The following N4BP1 variants were observed in gnomAD, a reference collection of about 807,000 sequenced individuals.
The protein encoded by N4BP1 is NEDD4 binding protein 1, also known as NEDD4-binding protein 1.
In N4BP1, 21 loss-of-function variants were observed where a neutral mutation model predicts 70.9. That is an observed-to-expected ratio of 0.30 (90% CI 0.21 to 0.43). The LOEUF is 0.43. Ranked by LOEUF, N4BP1 falls within the 20% of genes least tolerant of loss-of-function variation. N4BP1 has a pLI of 1.00. For synonymous variants in N4BP1, 387 were observed against 394.6 expected (o/e 0.98, Z 0.23); for missense variants, 936 against 1,069.4 (o/e 0.88, Z 1.74).
rs1244825941 is a variant in N4BP1 at position 48,539,599 on chromosome 16, G to A, written c.*3305C>T. 1 of 152,274 alleles carries A rather than the reference G, an allele frequency of 6.6e-6. No individual in the cohort carries two copies. Among genetic ancestry groups the A allele is most frequent in the East Asian group, 1.9e-4 (1 of 5,184 alleles). The allele number at this position is 152,274 out of a possible 1,614,324, so 9.4% of individuals were successfully genotyped here. A position where few individuals can be genotyped will look rare whatever the true frequency, so the allele number is the denominator to read the frequency against. ...GATCACCTGCATGGGAACTGCCTGG[G>A]GAATGCGCTCATTTGCAGATTCCCG... is the stretch of plus-strand genomic sequence containing the variant. On this transcript the variant is annotated 3_prime_UTR_variant, in exon 7 of 7. Transcript: ENST00000262384.
intron 5 of N4BP1, among the ~76,000 whole-genome samples, chr16:48,547,430 A>G (rs1963605264): frequency 6.6e-6 from 1 of 152,268 alleles, no homozygotes; most frequent in East Asian, 1.9e-4. Flanking sequence ...AATGAAAAAC[A>G]GCAGTGAATG....
intron 1 of N4BP1, among the ~76,000 whole-genome samples, 185 bp from the exon 2 acceptor site, chr16:48,562,629 T>C (rs945224398): frequency 3.9e-5 from 6 of 152,224 alleles, no homozygotes; most frequent in Non-Finnish European, 7.3e-5. Context: ...GCTTAAACCA[T>C]CTTTAGAGGA....
intron 1 of N4BP1, chr16:48,603,733 C>T (rs766293983): frequency 2.6e-5 from 4 of 152,108 alleles, no homozygotes; most frequent in Non-Finnish European, 4.4e-5. Context: ...TTCTAAGCTC[C>T]GAAATTACTC....
At chr16:48,543,898 A>G (rs1381208984) in intron 6 of N4BP1, among the ~76,000 whole-genome samples, 2 of 152,140 alleles carry the variant, frequency 1.3e-5, no homozygotes, top group Admixed American at 6.5e-5. Flanking sequence ...GTGATTCCCA[A>G]CTTCTTAACC....
chr16:48,574,052 G>T (rs372550480), intron 1 of N4BP1, among the ~76,000 whole-genome samples: 1 of 152,206 alleles, frequency 6.6e-6, no homozygotes, highest in Non-Finnish European at 1.5e-5. Context: ...AGGGTCAACT[G>T]CTTATGATTT....
chr16:48,578,214 G>C (rs530924230), intron 1 of N4BP1: 1 of 161,068 alleles, frequency 6.2e-6, no homozygotes, highest in African/African-American at 2.4e-5. Flanking sequence ...CTTGGTAATG[G>C]GCATATATTT....
chr16:48,596,022 A>G (rs1286272252), intron 1 of N4BP1, among the ~76,000 whole-genome samples: 1 of 152,220 alleles, frequency 6.6e-6, no homozygotes, highest in African/African-American at 2.4e-5. Context: ...TACAAAGCCT[A>G]CGTGAGAAAT....
In N4BP1 at chr16:48,562,127, T is replaced by C. The variant is rs1412261649; in HGVS notation, c.516A>G (p.Thr172=). 6.2e-7 allele frequency: 1 copy of C among 1,613,856 alleles called. No homozygotes were observed. The highest frequency in any genetic ancestry group is 2.2e-5 in the East Asian group (1 of 44,896). The change falls in exon 2 of 7, where the codon ACA becomes ACG. Residue 172 remains threonine, a synonymous_variant. Transcript: ENST00000262384. The part of the protein sequence containing the change: ...QFVEAHADNY[T]MDLLILPTSL... The stretch of plus-strand genomic sequence containing the variant: ...AAGTGGGCAAAATCAACAAATCCAT[T>C]GTGTAATTGTCTGCATGGGCTTCAA...
Position 48,539,692 on chromosome 16 carries a change from C to T in N4BP1, c.*3212G>A, listed in dbSNP as rs989227865. The stretch of plus-strand genomic sequence containing the variant: ...GCCCGGTAACCTACATTCTTAACAC[C>T]AGCTGCCCTCTCCACCACCACGAGC... On this transcript the variant is annotated 3_prime_UTR_variant, in exon 7 of 7. Transcript: ENST00000262384. 1 of 152,302 alleles carries T rather than the reference C, an allele frequency of 6.6e-6. No individual in the cohort carries two copies. Among genetic ancestry groups the T allele is most frequent in the Non-Finnish European group, 1.5e-5 (1 of 68,118 alleles). 9.4% of individuals were successfully genotyped at this position (152,302 alleles called of 1,614,324 possible).
rs372532426 is a variant in N4BP1 at position 48,561,832 on chromosome 16, G to A, written c.811C>T (p.Pro271Ser). 1.9e-6 allele frequency: 3 copies of A among 1,613,634 alleles called. No individual in the cohort carries two copies. In the African/African-American group the frequency reaches 4.0e-5, roughly 22 times the overall value. The change falls in exon 2 of 7, where the codon CCA becomes TCA. Residue 271 changes from proline to serine, a missense_variant. By Grantham distance (74) the Pro-to-Ser change is moderately conservative (BLOSUM62 -1). Around this residue, in one of 4 missense-constraint regions of N4BP1, gnomAD observed 515 missense variants for 491.7 expected, o/e 1.05. Transcript: ENST00000262384. ...VLFDPINGLT[P>S]DEEALSNERI... ...TCATTGGAAAGTGCCTCTTCATCTG[G>A]GGTTAGACCATTTATTGGATCAAAA...
chr16:48,584,841 T>A (rs769688819), intron 1 of N4BP1, among the ~76,000 whole-genome samples: 9 of 152,212 alleles, frequency 5.9e-5, no homozygotes, highest in African/African-American at 9.7e-5. Flanking sequence ...ATCAAAATAA[T>A]TCTCACGCAA....
At chr16:48,546,282 G>GGACCCTGTCTCTC in intron 5 of N4BP1, 28 bp from the exon 6 acceptor site, 1 of 1,523,662 alleles carries the variant, frequency 6.6e-7, no homozygotes, top group Non-Finnish European at 8.9e-7. Context: ...ATGAGGCTGA[G>GGACCCTGTCTCTC]AGACAGGGTC....
intron 3 of N4BP1, among the ~76,000 whole-genome samples, chr16:48,552,740 A>AAAAAAAACC (rs1963694241): frequency 2.5e-5 from 3 of 121,104 alleles, no homozygotes; most frequent in East Asian, 2.6e-4. Flanking sequence ...AAAAAAAAAG[A>AAAAAAAACC]CTCCTTCAGG....
chr16:48,557,835 G>A (rs1288669982), intron 2 of N4BP1, among the ~76,000 whole-genome samples: 2 of 152,158 alleles, frequency 1.3e-5, no homozygotes, highest in Non-Finnish European at 2.9e-5. Context: ...CTATGTGTCA[G>A]GGACTATGGG....
intron 1 of N4BP1, among the ~76,000 whole-genome samples, chr16:48,588,004 AG>A (rs1161893753): frequency 6.6e-6 from 1 of 152,060 alleles, no homozygotes; most frequent in East Asian, 1.9e-4. Context: ...AAGCTTTAGA[AG>A]AGCCAATAAG....
intron 1 of N4BP1, among the ~76,000 whole-genome samples, chr16:48,570,855 C>G (rs1189615430): frequency 6.6e-6 from 1 of 152,154 alleles, no homozygotes; most frequent in Non-Finnish European, 1.5e-5. Flanking sequence ...GAGTCTCACT[C>G]TGTCACCCAG....
chr16:48,600,734 G>C (rs1964483231), intron 1 of N4BP1: 2 of 327,952 alleles, frequency 6.1e-6, no homozygotes, highest in Non-Finnish European at 1.2e-5. Context: ...TTTTACATAA[G>C]GTCACTTAAA....
intron 1 of N4BP1, among the ~76,000 whole-genome samples, chr16:48,576,179 A>C (rs539675013): frequency 1.3e-5 from 2 of 152,212 alleles, no homozygotes; most frequent in Non-Finnish European, 2.9e-5. Context: ...CAGAAAAAAA[A>C]CAAATTTTTA....
In N4BP1 at chr16:48,561,593, G is replaced by A. The variant is rs771326561; in HGVS notation, c.1050C>T (p.Leu350=). The change falls in exon 2 of 7, where the codon CTC becomes CTT. Residue 350 remains leucine, a synonymous_variant. Coordinates refer to ENST00000262384, the MANE Select transcript of N4BP1 (RefSeq NM_153029.4). ...AGCCCATGGTTTTAAAAAAGTTTACGAGGATGTTGTATTCCATTTCCTCAG... is the reference window on the plus strand; with the variant it reads ...AGCCCATGGTTTTAAAAAAGTTTACAAGGATGTTGTATTCCATTTCCTCAG... ...ETTEEMEYNI[L]VNFFKTMGYS... is the part of the protein sequence containing the mutation. 9 of 1,613,494 alleles carry A rather than the reference G, an allele frequency of 5.6e-6. No homozygotes were observed. The highest frequency in any genetic ancestry group is 2.7e-5 in the African/African-American group (2 of 74,888).
Sources: allele counts gnomAD v4.1 joint callset (sites outside exome capture counted in the v4.1 genomes callset), GRCh38; gene constraint gnomAD v4.1.1; regional missense constraint gnomAD v4.1.1; transcripts MANE v1.5; gene names NCBI Gene and HGNC (gene_info 2026-07-23, HGNC 2026-07-21).